CLIP1: variants seen among roughly 807,000 people sequenced by gnomAD.
The protein encoded by CLIP1 is CAP-Gly domain-containing linker protein 1.
Under a neutral mutation model 161.6 loss-of-function variants are expected in CLIP1, and 66 were observed. The observed-to-expected ratio is 0.41, with a 90% CI of 0.33 to 0.50. The LOEUF (loss-of-function observed/expected upper bound fraction) is 0.50. CLIP1 is among the 20% of genes least tolerant of loss of function. The pLI, the probability that CLIP1 is intolerant of heterozygous loss-of-function variation, is 0.27. For synonymous variants in CLIP1, 598 were observed against 626.2 expected, an observed-to-expected ratio of 0.96 and a Z score of 0.67; for missense variants, 1,376 against 1,702.0, an observed-to-expected ratio of 0.81 and a Z score of 3.37.
chr12:122,417,301 A>G (rs960898855), intron 1 of CLIP1, among the ~76,000 whole-genome samples: 2 of 148,622 alleles, frequency 1.3e-5, no homozygotes, highest in African/African-American at 5.2e-5. Context: ...TGTCTTAAAA[A>G]CAAAACAAAA....
chr12:122,347,368 C>T lies in CLIP1; in HGVS notation c.1506+7G>A, dbSNP rs1014964658. The T allele has an allele frequency of 6.3e-6, 10 of 1,590,372 alleles. No homozygotes were observed. The African/African-American group carries it at 1.2e-4, about 19-fold the overall frequency. ...GGTCTGCTTCATTAAATAGTGAAAA[C>T]CATTACCCTAGTGTCTTCTAACTCC... On this transcript the variant is annotated splice_region_variant and intron_variant, in intron 10 of 25. Transcript: ENST00000620786.
At chr12:122,358,767 G>C (rs1045844546) in intron 5 of CLIP1, among the ~76,000 whole-genome samples, 2 of 148,080 alleles carry the variant, frequency 1.4e-5, no homozygotes, top group Non-Finnish European at 3.0e-5. Flanking sequence ...AAAAAAGAAT[G>C]AATTGGCCAG....
chr12:122,339,125 C>T (rs1485134814), intron 11 of CLIP1, among the ~76,000 whole-genome samples: 1 of 152,124 alleles, frequency 6.6e-6, no homozygotes, highest in East Asian at 1.9e-4. Context: ...TTTAACAAGG[C>T]TAGTTAGTAA....
intron 3 of CLIP1, chr12:122,365,327 C>T (rs1320337852): frequency 2.2e-6 from 2 of 919,254 alleles, no homozygotes; most frequent in Admixed American, 3.4e-5. Flanking sequence ...ACAAGTGTTA[C>T]CATGGCAAAA....
intron 1 of CLIP1, among the ~76,000 whole-genome samples, chr12:122,402,176 T>G (rs1211944802): frequency 6.6e-6 from 1 of 152,132 alleles, no homozygotes; most frequent in African/African-American, 2.4e-5. Flanking sequence ...TTTCATGATA[T>G]AGTTTATTTA....
intron 3 of CLIP1, among the ~76,000 whole-genome samples, chr12:122,372,695 G>T (rs889692021): frequency 6.6e-6 from 1 of 151,954 alleles, no homozygotes; most frequent in Non-Finnish European, 1.5e-5. Context: ...TGTTAGAAAC[G>T]ATCTCAAGAT....
At chr12:122,350,589 G>A (rs994213803) in intron 9 of CLIP1, among the ~76,000 whole-genome samples, 1 of 152,028 alleles carries the variant, frequency 6.6e-6, no homozygotes, top group Non-Finnish European at 1.5e-5. Flanking sequence ...CAGCTGCACT[G>A]GCAGGCACTG....
intron 17 of CLIP1, among the ~76,000 whole-genome samples, 184 bp from the exon 18 acceptor site, chr12:122,319,532 C>T (rs1951402169): frequency 6.6e-6 from 1 of 152,244 alleles, no homozygotes. Flanking sequence ...GGTCTTTACT[C>T]TGAAGTAGAA....
At chr12:122,282,036 T>TCA (rs141773603) in intron 21 of CLIP1, among the ~76,000 whole-genome samples, 7 of 151,920 alleles carry the variant, frequency 4.6e-5, no homozygotes, top group Admixed American at 3.3e-4. Context: ...CTGCTCATCA[T>TCA]CACACACACA....
At position 122,320,373 on chromosome 12, in the gene CLIP1, C is replaced by T. The variant is rs574610679; in HGVS notation, c.3250-1025G>A. Among the ~76,000 whole-genome samples, 4 of 151,974 alleles carry T rather than the reference C, an allele frequency of 2.6e-5. 1 individual carries two copies. The highest frequency in any genetic ancestry group is 7.2e-5 in the African/African-American group (3 of 41,456). Reference sequence around the variant, plus strand: ...GTCCCAGCTACTCAGGGAGCTGAGACGGGAGGATTGCTTGAGCCCAGGAGG... The same window carrying T: ...GTCCCAGCTACTCAGGGAGCTGAGATGGGAGGATTGCTTGAGCCCAGGAGG... On this transcript the variant is annotated intron_variant, in intron 17 of 25. Transcript: ENST00000620786.
At chr12:122,344,962 A>G (rs1250219346) in intron 10 of CLIP1, among the ~76,000 whole-genome samples, 4 of 149,814 alleles carry the variant, frequency 2.7e-5, no homozygotes, top group African/African-American at 9.9e-5. Context: ...TGGATAAACC[A>G]TGGTGTAACT....
intron 20 of CLIP1, among the ~76,000 whole-genome samples, chr12:122,290,832 G>C (rs988798171): frequency 6.6e-6 from 1 of 151,268 alleles, no homozygotes; most frequent in African/African-American, 2.4e-5. Flanking sequence ...ATAGCAAGCT[G>C]CATCTAGCAG....
At chr12:122,313,275 C>G (rs1951131527) in intron 19 of CLIP1, among the ~76,000 whole-genome samples, 1 of 152,210 alleles carries the variant, frequency 6.6e-6, no homozygotes, top group African/African-American at 2.4e-5. Flanking sequence ...CCGGTCCCTC[C>G]CCACCTGAAT....
At chr12:122,292,106 C>T (rs1319458945) in intron 20 of CLIP1, among the ~76,000 whole-genome samples, 2 of 152,120 alleles carry the variant, frequency 1.3e-5, no homozygotes, top group Admixed American at 6.5e-5. Flanking sequence ...ATTCTCGTGC[C>T]TCAGCCTCCC....
Position 122,279,256 on chromosome 12 carries a change from A to G in CLIP1, c.3648-111T>C. 8.5e-6 allele frequency: 6 copies of G among 705,400 alleles called. No homozygotes were observed. The highest frequency in any genetic ancestry group is 2.9e-5 in the Admixed American group (1 of 34,464). 43.7% of individuals were successfully genotyped at this position (705,400 alleles called of 1,614,324 possible). A position where few individuals can be genotyped will look rare whatever the true frequency, so the allele number is the denominator to read the frequency against. On this transcript the variant is annotated intron_variant, in intron 21 of 25. Coordinates refer to ENST00000620786, the MANE Select transcript of CLIP1 (RefSeq NM_001247997.2). The surrounding 1 kb of genome is among the most constrained non-coding windows in gnomAD (Gnocchi z 4.5). ...TGTTAGTTAATGTAAAAAAAAAAAT[A>G]TAACAGGGAAGTTTTATAGGGAGTT...
At chr12:122,384,399 T>C (rs377733749) in intron 1 of CLIP1, among the ~76,000 whole-genome samples, 12 of 152,244 alleles carry the variant, frequency 7.9e-5, no homozygotes, top group Admixed American at 6.5e-4. Flanking sequence ...CAATTACCAT[T>C]AGTCCAATCA....
rs780211998 is a variant in CLIP1, at chr12:122,352,764, G to T, written c.1330C>A (p.Arg444=). 1.9e-6 allele frequency: 3 copies of T among 1,613,818 alleles called. No homozygotes were observed. The highest frequency in any genetic ancestry group is 8.5e-7 in the Non-Finnish European group (1 of 1,179,904). ...EKRKVEDLQF[R]VEEESITKGD... is the part of the protein sequence containing the mutation. ...TTGGTAATTGATTCTTCTTCAACCCGGAACTGAAGGTCCTCAACCTTCCTG... is the reference window on the plus strand; with the variant it reads ...TTGGTAATTGATTCTTCTTCAACCCTGAACTGAAGGTCCTCAACCTTCCTG... Residue 444 remains arginine (R), a synonymous_variant, in exon 8 of 26, where the codon CGG becomes AGG. Transcript: ENST00000620786.
intron 4 of CLIP1, 134 bp downstream of exon 4, chr12:122,363,849 A>T (rs1953998871): frequency 8.3e-7 from 1 of 1,198,816 alleles, no homozygotes; most frequent in Non-Finnish European, 1.2e-6. Context: ...AAAAATTAGC[A>T]GATGGGTCTT....
intron 8 of CLIP1, 105 bp downstream of exon 8, chr12:122,352,620 TC>T (rs1171840097): frequency 4.0e-5 from 42 of 1,045,002 alleles, no homozygotes; most frequent in Admixed American, 2.0e-4. Flanking sequence ...CCCCGCCACT[TC>T]CTCAGCTGGC....
Sources: allele counts gnomAD v4.1 joint callset (sites outside exome capture counted in the v4.1 genomes callset), GRCh38; gene constraint gnomAD v4.1.1; non-coding constraint Gnocchi (gnomAD v3.1); transcripts MANE v1.5; gene names NCBI Gene and HGNC (gene_info 2026-07-23, HGNC 2026-07-21).